PARP14: variants seen among roughly 807,000 people sequenced by gnomAD.
PARP14 encodes the protein poly(ADP-ribose) polymerase family member 14.
Under a neutral mutation model 154.2 loss-of-function variants are expected in PARP14, and 59 were observed. The observed-to-expected ratio is 0.38, with a 90% CI of 0.31 to 0.48. PARP14 has a LOEUF of 0.48. Among genes scored for constraint, PARP14 ranks in the 20% least tolerant of loss-of-function variants. PARP14 has a pLI of 0.98. For missense variants in PARP14, 1,734 were observed against 2,131.6 expected, an observed-to-expected ratio of 0.81 and a Z score of 3.67; for synonymous variants, 720 against 780.5, an observed-to-expected ratio of 0.92 and a Z score of 1.29.
Position 122,692,551 on chromosome 3 carries a change from G to T in PARP14, c.598+8G>T. On this transcript the variant is annotated splice_region_variant and intron_variant, in intron 4 of 16. Transcript: ENST00000474629. ...CCTTTCAAAAGCACATAGGTAAGAT[G>T]AAGTGACACTTCCTCTGCCTGTCTT... 1 of 1,600,260 alleles carries T rather than the reference G, an allele frequency of 6.2e-7. No individual in the cohort carries two copies. The highest frequency in any genetic ancestry group is 1.1e-5 in the South Asian group (1 of 90,118).
rs896708139 is a variant in PARP14, at chr3:122,701,719, T to G, written c.3081+84T>G. 17 of 1,002,906 alleles carry G rather than the reference T, an allele frequency of 1.7e-5. No individual in the cohort carries two copies. Among genetic ancestry groups the G allele is most frequent in the Non-Finnish European group, 2.3e-5 (16 of 689,572 alleles). The allele number at this position is 1,002,906 out of a possible 1,614,324, so 62.1% of individuals were successfully genotyped here. A position where few individuals can be genotyped will look rare whatever the true frequency, so the allele number is the denominator to read the frequency against. The stretch of plus-strand genomic sequence containing the variant: ...TCTCTCATGGAGGGCTGAAGAAAGA[T>G]AAGGACCAAGGTGAGAATCAAGGGA... On this transcript the variant is annotated intron_variant, in intron 6 of 16. Coordinates refer to ENST00000474629, the MANE Select transcript of PARP14 (RefSeq NM_017554.3). This position sits in a 1 kb window ranked among gnomAD's most constrained non-coding sequence, Gnocchi z 4.0.
intron 9 of PARP14, among the ~76,000 whole-genome samples, chr3:122,710,270 A>G (rs1314094336): frequency 6.6e-6 from 1 of 152,104 alleles, no homozygotes; most frequent in East Asian, 1.9e-4. Context: ...TTAATCTTCT[A>G]CATGTGGCTT....
chr3:122,718,808 A>G lies in PARP14; in HGVS notation c.4657A>G (p.Asn1553Asp), dbSNP rs1307388715. The G allele has an allele frequency of 4.3e-6, 7 of 1,613,846 alleles. No individual in the cohort carries two copies. The highest frequency in any genetic ancestry group is 1.3e-5 in the African/African-American group (1 of 74,928). The change falls in exon 14 of 17, where the codon AAT becomes GAT. Residue 1553 changes from asparagine to aspartate, a missense_variant. Asn to Asp is a conservative substitution (Grantham distance 23). Around this residue, in one of 2 missense-constraint regions of PARP14, gnomAD observed 1,646 missense variants for 1,976.0 expected, o/e 0.83. Transcript: ENST00000474629. Reference protein sequence around the residue: ...NTSHCFNKMTNLKLEDARREK... With the variant: ...NTSHCFNKMTDLKLEDARREK... ...TTCTCATTGTTTTAACAAAATGACCAATCTGAAATTAGAGGATGCAAGGAG... is the reference window on the plus strand; with the variant it reads ...TTCTCATTGTTTTAACAAAATGACCGATCTGAAATTAGAGGATGCAAGGAG...
chr3:122,729,843 T>G lies in PARP14; in HGVS notation c.*1246T>G, dbSNP rs1933383139. The G allele has an allele frequency of 1.3e-5, 2 of 152,216 alleles. No individual in the cohort carries two copies. Among genetic ancestry groups the G allele is most frequent in the Admixed American group, 1.3e-4 (2 of 15,284 alleles). 9.4% of individuals were successfully genotyped at this position (152,216 alleles called of 1,614,324 possible). Reference sequence around the variant, plus strand: ...GCTGAGATTAAATGAACTCTAAGATTATTAAATAGTATATTTTCCTTGACA... The same window carrying G: ...GCTGAGATTAAATGAACTCTAAGATGATTAAATAGTATATTTTCCTTGACA... On this transcript the variant is annotated 3_prime_UTR_variant, in exon 17 of 17. Coordinates refer to ENST00000474629, the MANE Select transcript of PARP14 (RefSeq NM_017554.3).
chr3:122,694,536 A>G (rs918014302), intron 4 of PARP14, among the ~76,000 whole-genome samples: 4 of 151,978 alleles, frequency 2.6e-5, no homozygotes, highest in Non-Finnish European at 2.9e-5. Flanking sequence ...ATCAATACTT[A>G]TTATTATTAT....
At position 122,701,494 on chromosome 3, in the gene PARP14, C is replaced by T. The variant is rs768472486; in HGVS notation, c.2940C>T (p.Ala980=). ...AAGCTGTGAAAACTGTATTTAAAGC[C>T]ACCCTGCCAGATACAGCTGCCCCGC... is the stretch of plus-strand genomic sequence containing the variant. ...FAEAVKTVFK[A]TLPDTAAPPG... Residue 980 remains alanine, a synonymous_variant, in exon 6 of 17, where the codon GCC becomes GCT. Transcript: ENST00000474629. This position sits in a 1 kb window ranked among gnomAD's most constrained non-coding sequence, Gnocchi z 4.0. 19 of 1,613,662 alleles carry T rather than the reference C, an allele frequency of 1.2e-5. No homozygotes were observed. Among genetic ancestry groups the T allele is most frequent in the Non-Finnish European group, 1.7e-6 (2 of 1,179,784 alleles).
chr3:122,706,713 A>G (rs1234883715), intron 8 of PARP14, among the ~76,000 whole-genome samples: 5 of 151,882 alleles, frequency 3.3e-5, no homozygotes, highest in Admixed American at 6.6e-5. Flanking sequence ...CCATTATTGC[A>G]TCTATCTTTA....
chr3:122,714,389 A>C lies in PARP14; in HGVS notation c.3960A>C (p.Lys1320Asn). ...SVSSVLQECE[K>N]KNYSSICLPA... ...CCTCTGTTTTGCAGGAGTGTGAAAA[A>C]AAAAATTACTCATCCATTTGCCTCC... The change falls in exon 12 of 17, where the codon AAA becomes AAC. Residue 1320 changes from lysine (K) to asparagine (N), a missense_variant. Transcript: ENST00000474629. 1 of 1,583,192 alleles carries C rather than the reference A, an allele frequency of 6.3e-7. No homozygotes were observed. Among genetic ancestry groups the C allele is most frequent in the Non-Finnish European group, 8.5e-7 (1 of 1,170,586 alleles).
intron 5 of PARP14, 134 bp from the exon 6 acceptor site, chr3:122,699,252 TTACA>T: frequency 1.8e-6 from 1 of 548,996 alleles, no homozygotes; most frequent in Admixed American, 3.5e-5. Context: ...CATCTTGGTC[TTACA>T]TTGTTTTATT....
chr3:122,682,045 A>G (rs992581189), intron 1 of PARP14, among the ~76,000 whole-genome samples: 1 of 152,208 alleles, frequency 6.6e-6, no homozygotes, highest in African/African-American at 2.4e-5. Flanking sequence ...CCAAGCAGGG[A>G]TCCAAAAAGG....
At position 122,718,306 on chromosome 3, in the gene PARP14, G is replaced by T. The variant is rs1246882708; in HGVS notation, c.4207+29G>T. 3.1e-6 allele frequency: 5 copies of T among 1,611,370 alleles called. No individual in the cohort carries two copies. In the African/African-American group the frequency reaches 6.7e-5, roughly 22 times the overall value. The stretch of plus-strand genomic sequence containing the variant: ...AGTTCTTTGTTTTTATGAAATGCAT[G>T]TTCATAACGTTGATGTCACATGTGA... On this transcript the variant is annotated intron_variant, in intron 13 of 16. Transcript: ENST00000474629.
chr3:122,701,334 G>T lies in PARP14; in HGVS notation c.2780G>T (p.Gly927Val), dbSNP rs1235895162. 6.2e-7 allele frequency: 1 copy of T among 1,613,938 alleles called. No homozygotes were observed. The highest frequency in any genetic ancestry group is 8.5e-7 in the Non-Finnish European group (1 of 1,179,906). Residue 927 changes from glycine (G) to valine (V), a missense_variant, in exon 6 of 17, where the codon GGC (glycine) becomes GTC (valine). By Grantham distance (109) the Gly-to-Val change is moderately radical. Transcript: ENST00000474629. The surrounding 1 kb of genome is among the most constrained non-coding windows in gnomAD (Gnocchi z 4.0). ...AIPAISSGVF[G>V]FPLGRCVETI... ...CCAGCTATTAGTTCTGGAGTCTTTGGCTTTCCCTTAGGCCGATGCGTGGAG... is the reference window on the plus strand; with the variant it reads ...CCAGCTATTAGTTCTGGAGTCTTTGTCTTTCCCTTAGGCCGATGCGTGGAG...
chr3:122,718,721 C>T lies in PARP14; in HGVS notation c.4570C>T (p.Gln1524Ter), dbSNP rs762577058. The change falls in exon 14 of 17, where the codon CAG becomes TAG. Residue 1524 changes from glutamine (Q) to a stop codon, truncating the protein, a stop_gained. Coordinates refer to ENST00000474629, the MANE Select transcript of PARP14 (RefSeq NM_017554.3). LOFTEE classifies it high-confidence loss of function. Reference sequence around the variant, plus strand: ...CAAGAGAGTTCGATTGGCCAAAGAACAGGAATCCCGGGCAGATTGTATCAG... The same window carrying T: ...CAAGAGAGTTCGATTGGCCAAAGAATAGGAATCCCGGGCAGATTGTATCAG... ...MIKRVRLAKE[Q>*]ESRADCISEF... The T allele has an allele frequency of 2.5e-6, 4 of 1,613,220 alleles. No individual in the cohort carries two copies. The highest frequency in any genetic ancestry group is 3.4e-6 in the Non-Finnish European group (4 of 1,179,562).
At position 122,714,253 on chromosome 3, in the gene PARP14, G is replaced by A; in HGVS notation, c.3833-9G>A. ...ACTAATTTTGCATCTTTTTGTCTGT[G>A]TTTCCCAGCTCAGCAGCGCAAAAAT... On this transcript the variant is annotated splice_polypyrimidine_tract_variant and intron_variant, in intron 11 of 16. Transcript: ENST00000474629. 1 of 1,583,308 alleles carries A rather than the reference G, an allele frequency of 6.3e-7. No individual in the cohort carries two copies. The highest frequency in any genetic ancestry group is 8.5e-7 in the Non-Finnish European group (1 of 1,170,596).
chr3:122,685,365 G>A (rs1162140479), intron 2 of PARP14, 47 bp downstream of exon 2: 3 of 1,558,934 alleles, frequency 1.9e-6, no homozygotes, highest in South Asian at 1.1e-5. Context: ...GTCTCCCAAG[G>A]TGTGTGAGAT....
intron 3 of PARP14, among the ~76,000 whole-genome samples, chr3:122,689,453 A>G (rs1938473452): frequency 6.6e-6 from 1 of 152,094 alleles, no homozygotes; most frequent in Non-Finnish European, 1.5e-5. Flanking sequence ...CTATTATAAC[A>G]TGCATTACCA....
chr3:122,695,747 TTTTA>T (rs1938752427), intron 5 of PARP14, 85 bp downstream of exon 5: 2 of 653,272 alleles, frequency 3.1e-6, no homozygotes, highest in East Asian at 2.7e-5. Context: ...TTCTGATGTG[TTTTA>T]TTTGTTTATT....
At chr3:122,692,792 A>G (rs1938583356) in intron 4 of PARP14, among the ~76,000 whole-genome samples, 1 of 152,210 alleles carries the variant, frequency 6.6e-6, no homozygotes, top group Admixed American at 6.5e-5. Context: ...TGAGAGAGAG[A>G]GAGAGACAGG....
At position 122,700,627 on chromosome 3, in the gene PARP14, G is replaced by A; in HGVS notation, c.2073G>A (p.Lys691=). The A allele has an allele frequency of 6.2e-7, 1 of 1,603,650 alleles. No individual in the cohort carries two copies. Among genetic ancestry groups the A allele is most frequent in the Non-Finnish European group, 8.5e-7 (1 of 1,174,594 alleles). ...LVIDYLKTEK[K]LFWPKIKKVN... is the part of the protein sequence containing the mutation. ...TTGACTATTTAAAGACAGAAAAGAA[G>A]CTATTCTGGCCAAAGATAAAGAAGG... Residue 691 remains lysine, a synonymous_variant, in exon 6 of 17, where the codon AAG becomes AAA. Transcript: ENST00000474629.
Sources: allele counts gnomAD v4.1 joint callset (sites outside exome capture counted in the v4.1 genomes callset), GRCh38; gene constraint gnomAD v4.1.1; regional missense constraint gnomAD v4.1.1; non-coding constraint Gnocchi (gnomAD v3.1); transcripts MANE v1.5; gene names NCBI Gene and HGNC (gene_info 2026-07-23, HGNC 2026-07-21).